Variants in TNN observed in about 807,000 individuals in gnomAD.
TNN encodes tenascin-N.
TNN carries 122 observed loss-of-function variants against 134.4 expected under a neutral mutation model. That is an observed-to-expected ratio of 0.91 (90% CI 0.78 to 1.06). TNN has a LOEUF of 1.06. TNN is among the 50% of genes least tolerant of loss of function. The pLI, the probability that TNN is intolerant of heterozygous loss-of-function variation, is 0.00. For synonymous variants in TNN, 710 were observed against 670.3 expected, an observed-to-expected ratio of 1.06 and a Z score of -0.91; for missense variants, 1,739 against 1,699.4, an observed-to-expected ratio of 1.02 and a Z score of -0.41.
At chr1:175,125,699 T>TTC (rs142973712) in intron 12 of TNN, among the ~76,000 whole-genome samples, 2 of 56,368 alleles carry the variant, frequency 3.5e-5, no homozygotes, top group South Asian at 5.9e-4. Context: ...TCTCTCTTTT[T>TTC]TCTCTCTTTC....
At position 175,097,460 on chromosome 1, in the gene TNN, G is replaced by C. The variant is rs371167864; in HGVS notation, c.1632G>C (p.Glu544Asp). Reference protein sequence around the residue: ...PANLVTDRVTENTATISWDPV... With the variant: ...PANLVTDRVTDNTATISWDPV... ...ACCTGGTGACTGACCGGGTGACTGA[G>C]AATACCGCCACCATCTCCTGGGACC... Residue 544 changes from glutamate to aspartate, a missense_variant, in exon 8 of 19, where the codon GAG (glutamate) becomes GAC (aspartate). Glu to Asp is a conservative substitution (Grantham distance 45, BLOSUM62 2). Transcript: ENST00000239462. 1.9e-6 allele frequency: 3 copies of C among 1,614,218 alleles called. No homozygotes were observed. The highest frequency in any genetic ancestry group is 2.5e-6 in the Non-Finnish European group (3 of 1,180,044).
chr1:175,121,430 G>A (rs1346694181), intron 11 of TNN, among the ~76,000 whole-genome samples: 1 of 152,188 alleles, frequency 6.6e-6, no homozygotes, highest in Non-Finnish European at 1.5e-5. Flanking sequence ...GGAGGAGCAG[G>A]GGCAGATCAG....
intron 17 of TNN, among the ~76,000 whole-genome samples, chr1:175,143,518 G>GGGGTGTGTGT (rs1553321065): frequency 6.7e-6 from 1 of 148,642 alleles, no homozygotes; most frequent in African/African-American, 2.4e-5. Context: ...TTTGTGTGTA[G>GGGGTGTGTGT]GTGTGTGTGT....
chr1:175,124,026 G>T (rs760739751), intron 12 of TNN, among the ~76,000 whole-genome samples: 33 of 152,238 alleles, frequency 2.2e-4, no homozygotes, highest in African/African-American at 7.5e-4. Context: ...CAATGGGGAT[G>T]CATCTTTCTC....
chr1:175,079,678 A>C lies in TNN; in HGVS notation c.755A>C (p.Glu252Ala), dbSNP rs773732255. Residue 252 changes from glutamate to alanine, a missense_variant, in exon 3 of 19, where the codon GAG (glutamate) becomes GCG (alanine). Glu to Ala is a moderately radical substitution (Grantham distance 107, BLOSUM62 -1). Coordinates refer to ENST00000239462, the MANE Select transcript of TNN (RefSeq NM_022093.2). Reference protein sequence around the residue: ...FCDTGECYCEEGFTGLDCAQV... With the variant: ...FCDTGECYCEAGFTGLDCAQV... ...GACACGGGCGAGTGCTACTGCGAGG[A>C]GGGCTTCACAGGCCTGGACTGTGCC... The C allele has an allele frequency of 6.2e-6, 10 of 1,607,094 alleles. No homozygotes were observed. The South Asian group carries it at 1.1e-4, about 18-fold the overall frequency.
At chr1:175,068,032 G>T (rs1356448365) in intron 1 of TNN, 97 bp downstream of exon 1, 3 of 434,274 alleles carry the variant, frequency 6.9e-6, no homozygotes, top group Non-Finnish European at 9.3e-6. Flanking sequence ...CTCCGTTCCC[G>T]AGCCTGAAAA....
chr1:175,111,627 A>G (rs1311352698), intron 9 of TNN, among the ~76,000 whole-genome samples: 1 of 151,936 alleles, frequency 6.6e-6, no homozygotes, highest in Non-Finnish European at 1.5e-5. Context: ...ATTCATAGAC[A>G]TAGGATATAT....
At chr1:175,070,388 C>A (rs1673887627) in intron 1 of TNN, among the ~76,000 whole-genome samples, 1 of 152,172 alleles carries the variant, frequency 6.6e-6, no homozygotes, top group South Asian at 2.1e-4. Flanking sequence ...GGTCAGGACA[C>A]CATCCTTGAT....
rs369876797 is a variant in TNN at position 175,136,861 on chromosome 1, G to A, written c.3468G>A (p.Ala1156=). The change falls in exon 17 of 19, where the codon GCG becomes GCA. Residue 1156 remains alanine, a synonymous_variant. Coordinates refer to ENST00000239462, the MANE Select transcript of TNN (RefSeq NM_022093.2). ...KLHNLTTGTP[A]RYEVRVDLQT... Reference sequence around the variant, plus strand: ...ACAACCTCACCACCGGCACTCCAGCGCGGTATGAGGTGAGAGTGGATTTAC... The same window carrying A: ...ACAACCTCACCACCGGCACTCCAGCACGGTATGAGGTGAGAGTGGATTTAC... The A allele has an allele frequency of 1.4e-5, 22 of 1,614,122 alleles. No homozygotes were observed. The highest frequency in any genetic ancestry group is 1.6e-4 in the Middle Eastern group (1 of 6,062).
chr1:175,141,202 G>C (rs537786602), intron 17 of TNN, among the ~76,000 whole-genome samples: 21 of 152,224 alleles, frequency 1.4e-4, no homozygotes, highest in Non-Finnish European at 3.1e-4. Context: ...GTCTTCTAGT[G>C]GGGGCAGGGA....
intron 6 of TNN, among the ~76,000 whole-genome samples, chr1:175,086,512 C>T (rs35696232): frequency 0.28 from 42,850 of 151,964 alleles, 6,135 homozygotes; most frequent in South Asian, 0.33. Context: ...AACATAGTGC[C>T]ATTCGGGGAG....
At chr1:175,081,397 A>T (rs1297495919) in intron 4 of TNN, among the ~76,000 whole-genome samples, 1 of 152,076 alleles carries the variant, frequency 6.6e-6, no homozygotes, top group Non-Finnish European at 1.5e-5. Context: ...TTTATTGAGC[A>T]CTTACCATTT....
chr1:175,118,497 A>T, intron 10 of TNN, 64 bp from the exon 11 acceptor site: 1 of 1,586,260 alleles, frequency 6.3e-7, no homozygotes, highest in South Asian at 1.1e-5. Context: ...ACGCAAAATG[A>T]CCACCAGTTT....
chr1:175,106,005 G>A (rs1674842108), intron 9 of TNN, among the ~76,000 whole-genome samples: 1 of 145,812 alleles, frequency 6.9e-6, no homozygotes, highest in Non-Finnish European at 1.5e-5. Flanking sequence ...AGAAACACTA[G>A]TTTTCCTCCC....
chr1:175,102,240 C>T lies in TNN; in HGVS notation c.2119+3645C>T, dbSNP rs990409115. Among the ~76,000 whole-genome samples, 7 of 146,426 alleles carry T rather than the reference C, an allele frequency of 4.8e-5. 2 individuals are homozygous for T. The highest frequency in any genetic ancestry group is 7.4e-5 in the African/African-American group (3 of 40,618). Reference sequence around the variant, plus strand: ...ACTCAGGAGCCCAGCTGGCTTCACCCAGTGGATCCCGCACTGGGGCTGCAG... The same window carrying T: ...ACTCAGGAGCCCAGCTGGCTTCACCTAGTGGATCCCGCACTGGGGCTGCAG... On this transcript the variant is annotated intron_variant, in intron 9 of 18. Coordinates refer to ENST00000239462, the MANE Select transcript of TNN (RefSeq NM_022093.2).
At chr1:175,091,780 C>G (rs10912884) in intron 6 of TNN, among the ~76,000 whole-genome samples, 83,287 of 151,752 alleles carry the variant, frequency 0.55, 23,443 homozygotes, top group African/African-American at 0.69. Flanking sequence ...AGTAGAGACA[C>G]GGTTTTGCCA....
intron 17 of TNN, among the ~76,000 whole-genome samples, chr1:175,141,480 A>G (rs1279927107): frequency 2.0e-5 from 3 of 152,062 alleles, no homozygotes; most frequent in Non-Finnish European, 4.4e-5. Context: ...AAATGCTGGC[A>G]CCTGAAAAAG....
chr1:175,079,886 G>GTTC (rs1461546363), intron 3 of TNN, among the ~76,000 whole-genome samples, 179 bp downstream of exon 3: 1 of 152,150 alleles, frequency 6.6e-6, no homozygotes, highest in Non-Finnish European at 1.5e-5. Context: ...TTTCTAACAA[G>GTTC]TTCCCAGGTG....
Position 175,135,911 on chromosome 1 carries a change from T to G in TNN, c.3397T>G (p.Phe1133Val), listed in dbSNP as rs1352170994. The G allele has an allele frequency of 6.2e-7, 1 of 1,613,634 alleles. No individual in the cohort carries two copies. Among genetic ancestry groups the G allele is most frequent in the Non-Finnish European group, 8.5e-7 (1 of 1,179,778 alleles). The stretch of plus-strand genomic sequence containing the variant: ...GCGATGGAGGAGCTATGTGGAAGGC[T>G]TTGGGGACCCCATGAAGGAGTTCTG... ...FKRWRSYVEG[F>V]GDPMKEFWLG... Residue 1133 changes from phenylalanine to valine, a missense_variant, in exon 16 of 19, where the codon TTT becomes GTT. Phe to Val is a conservative substitution (Grantham distance 50). Coordinates refer to ENST00000239462, the MANE Select transcript of TNN (RefSeq NM_022093.2).
Sources: gnomAD v4.1 joint callset for allele counts (sites outside exome capture counted in the v4.1 genomes callset) on GRCh38, gnomAD v4.1.1 for gene constraint, MANE v1.5 for transcripts, NCBI Gene and HGNC (gene_info 2026-07-23, HGNC 2026-07-21) for gene names.